The following KCND2 variants were observed in gnomAD, a reference collection of about 807,000 sequenced individuals.
The protein encoded by KCND2 is potassium voltage-gated channel subfamily D member 2.
Under a neutral mutation model 54.4 loss-of-function variants are expected in KCND2, and 16 were observed. The ratio of observed to expected loss-of-function variants is 0.29; its 90% CI spans 0.20 to 0.45. KCND2 has a LOEUF of 0.45. KCND2 is among the 20% of genes least tolerant of loss of function. The probability of loss-of-function intolerance (pLI) is 1.00; values close to 1 mark genes in which losing one functional copy is unlikely to be tolerated. For synonymous variants in KCND2, 317 were observed against 310.7 expected (o/e 1.02, Z -0.21); for missense variants, 486 against 824.2 (o/e 0.59, Z 5.02).
At chr7:120,494,855 A>AT (rs1802828518) in intron 1 of KCND2, among the ~76,000 whole-genome samples, 1 of 152,196 alleles carries the variant, frequency 6.6e-6, no homozygotes, top group African/African-American at 2.4e-5. Context: ...GTAAATCAGT[A>AT]TATCAAATAG....
intron 1 of KCND2, among the ~76,000 whole-genome samples, chr7:120,347,639 C>G (rs1026579481): frequency 9.9e-5 from 15 of 152,064 alleles, no homozygotes; most frequent in African/African-American, 3.4e-4. Flanking sequence ...CGCCTGTAAT[C>G]CCAGCTACTT....
Position 120,279,831 on chromosome 7 carries a change from ATTATG to A in KCND2, c.1115+4089_1115+4093del, listed in dbSNP as rs1799236810. Among the ~76,000 whole-genome samples the A allele has an allele frequency of 2.6e-5, 4 of 152,036 alleles. 1 individual carries two copies. The South Asian group carries it at 8.3e-4, about 31-fold the overall frequency. ...GATCATATCTATGATATACGATAAC[ATTATG>A]TTATAATTATATATTATTAAAGAGA... On this transcript the variant is annotated intron_variant, in intron 1 of 5. Transcript: ENST00000331113.
chr7:120,420,630 G>A (rs1801597938), intron 1 of KCND2, among the ~76,000 whole-genome samples: 1 of 152,084 alleles, frequency 6.6e-6, no homozygotes, highest in Non-Finnish European at 1.5e-5. Flanking sequence ...GGGAAGGGGT[G>A]TCTATGAAAG....
intron 1 of KCND2, among the ~76,000 whole-genome samples, chr7:120,561,964 A>G (rs549065100): frequency 6.6e-6 from 1 of 152,300 alleles, no homozygotes; most frequent in East Asian, 1.9e-4. Flanking sequence ...TAAGCAGATA[A>G]CAGTATTTCT....
chr7:120,337,951 A>C (rs556053816), intron 1 of KCND2, among the ~76,000 whole-genome samples: 6 of 152,186 alleles, frequency 3.9e-5, no homozygotes, highest in Non-Finnish European at 8.8e-5. Context: ...GTGCATCAAA[A>C]AAGTCAAGCT....
chr7:120,569,759 T>C (rs914678966), intron 1 of KCND2, among the ~76,000 whole-genome samples: 1 of 152,122 alleles, frequency 6.6e-6, no homozygotes, highest in Non-Finnish European at 1.5e-5. Context: ...AAACACAGTA[T>C]AATATTTCTC....
In KCND2 at chr7:120,746,047, G is replaced by A; in HGVS notation, c.1715+20G>A. The A allele has an allele frequency of 1.2e-6, 2 of 1,610,796 alleles. No individual in the cohort carries two copies. Among genetic ancestry groups the A allele is most frequent in the South Asian group, 1.1e-5 (1 of 91,030 alleles). ...TAACAGGTACCTGAGATTAATCTGT[G>A]TTGTCTACACACCTGTGCTGGTTCC... On this transcript the variant is annotated intron_variant, in intron 5 of 5. Coordinates refer to ENST00000331113, the MANE Select transcript of KCND2 (RefSeq NM_012281.3).
intron 1 of KCND2, among the ~76,000 whole-genome samples, chr7:120,681,964 T>C (rs1035641707): frequency 3.9e-5 from 6 of 151,996 alleles, no homozygotes; most frequent in Non-Finnish European, 8.8e-5. Flanking sequence ...TCTAAGTAGA[T>C]AATAGTTCAA....
At chr7:120,368,319 A>C (rs1406814641) in intron 1 of KCND2, among the ~76,000 whole-genome samples, 1 of 152,090 alleles carries the variant, frequency 6.6e-6, no homozygotes, top group East Asian at 1.9e-4. Context: ...TTTTAATGTA[A>C]GTTTCTTGGG....
At chr7:120,738,507 G>A (rs1319729394) in intron 2 of KCND2, among the ~76,000 whole-genome samples, 1 of 151,952 alleles carries the variant, frequency 6.6e-6, no homozygotes, top group Admixed American at 6.6e-5. Flanking sequence ...TAAATTATTT[G>A]AAAATAACTA....
chr7:120,274,848 G>A lies in KCND2; in HGVS notation c.216G>A (p.Arg72=), dbSNP rs140949631. 8.0e-4 allele frequency: 1,299 copies of A among 1,614,008 alleles called. 1 individual carries two copies. Among genetic ancestry groups the A allele is most frequent in the Non-Finnish European group, 1.0e-3 (1,217 of 1,179,998 alleles). The change falls in exon 1 of 6, where the codon AGG becomes AGA. Residue 72 remains arginine (R), a synonymous_variant. Coordinates refer to ENST00000331113, the MANE Select transcript of KCND2 (RefSeq NM_012281.3). ...YPDTLLGSSE[R]DFFYHPETQQ... Reference sequence around the variant, plus strand: ...ACACTCTACTGGGCAGTTCTGAGAGGGACTTTTTCTACCACCCAGAAACTC... The same window carrying A: ...ACACTCTACTGGGCAGTTCTGAGAGAGACTTTTTCTACCACCCAGAAACTC...
chr7:120,611,912 C>T lies in KCND2; in HGVS notation c.1116-120991C>T, dbSNP rs115955486. Among the ~76,000 whole-genome samples the T allele has an allele frequency of 9.6e-3, 1,457 of 152,244 alleles. 23 individuals are homozygous for T. Among genetic ancestry groups the T allele is most frequent in the African/African-American group, 0.033 (1,363 of 41,544 alleles). On this transcript the variant is annotated intron_variant, in intron 1 of 5. Transcript: ENST00000331113. ...TTTGGCTCATGGTGTTTAGACTCCA[C>T]GGGTAGTACTCTGTAGTAATAGTTC...
chr7:120,350,820 T>C (rs985839535), intron 1 of KCND2, among the ~76,000 whole-genome samples: 3 of 152,200 alleles, frequency 2.0e-5, no homozygotes, highest in Non-Finnish European at 4.4e-5. Context: ...TGCCAACTTC[T>C]AAGTTGTGTT....
intron 4 of KCND2, among the ~76,000 whole-genome samples, 167 bp from the exon 5 acceptor site, chr7:120,745,613 C>G (rs1271328044): frequency 4.6e-5 from 7 of 151,884 alleles, no homozygotes; most frequent in Non-Finnish European, 1.5e-5. Flanking sequence ...ACATAAATGC[C>G]AAAAAGAAGT....
chr7:120,462,521 A>G (rs1341747758), intron 1 of KCND2, among the ~76,000 whole-genome samples: 2 of 152,034 alleles, frequency 1.3e-5, no homozygotes, highest in Middle Eastern at 3.2e-3. Context: ...GCCAAGAGGA[A>G]TATTACCATT....
intron 1 of KCND2, among the ~76,000 whole-genome samples, chr7:120,431,653 A>G (rs1428051743): frequency 6.6e-6 from 1 of 152,194 alleles, no homozygotes; most frequent in Non-Finnish European, 1.5e-5. Flanking sequence ...TAGCCTCAGT[A>G]TTATTTTTTG....
chr7:120,696,576 T>C (rs1288846728), intron 1 of KCND2, among the ~76,000 whole-genome samples: 2 of 152,162 alleles, frequency 1.3e-5, no homozygotes, highest in African/African-American at 4.8e-5. Flanking sequence ...AATACAACAG[T>C]GTTGGGAGGT....
chr7:120,326,257 A>C (rs1799975467), intron 1 of KCND2, among the ~76,000 whole-genome samples: 1 of 152,072 alleles, frequency 6.6e-6, no homozygotes, highest in African/African-American at 2.4e-5. Flanking sequence ...GCACTCTGAT[A>C]AATTCAATGT....
intron 1 of KCND2, among the ~76,000 whole-genome samples, chr7:120,365,819 C>G (rs1800669105): frequency 6.6e-6 from 1 of 151,762 alleles, no homozygotes; most frequent in Admixed American, 6.6e-5. Flanking sequence ...ATGTAAAGTT[C>G]TATAAGTAAG....
Sources: gnomAD v4.1 joint callset for allele counts (sites outside exome capture counted in the v4.1 genomes callset) on GRCh38, gnomAD v4.1.1 for gene constraint, MANE v1.5 for transcripts, NCBI Gene and HGNC (gene_info 2026-07-23, HGNC 2026-07-21) for gene names.